Variants in CFAP20DC observed in about 807,000 individuals in gnomAD.
The protein encoded by CFAP20DC is CFAP20 domain containing.
In CFAP20DC, 84 loss-of-function variants were observed where a neutral mutation model predicts 101.7. The ratio of observed to expected loss-of-function variants is 0.83; its 90% CI spans 0.69 to 0.99. The LOEUF (loss-of-function observed/expected upper bound fraction) is 0.99. Among genes scored for constraint, CFAP20DC ranks in the 50% least tolerant of loss-of-function variants. The pLI is 0.00. For synonymous variants in CFAP20DC, 359 were observed against 351.2 expected (o/e 1.02, Z -0.25); for missense variants, 1,007 against 970.3 (o/e 1.04, Z -0.50).
chr3:58,756,806 A>G (rs893315492), intron 15 of CFAP20DC, among the ~76,000 whole-genome samples: 4 of 152,122 alleles, frequency 2.6e-5, no homozygotes, highest in African/African-American at 9.6e-5. Context: ...AGCAAAAGGT[A>G]GCATATTATA....
intron 16 of CFAP20DC, among the ~76,000 whole-genome samples, chr3:58,752,410 T>C (rs1465478827): frequency 1.3e-5 from 2 of 152,280 alleles, no homozygotes; most frequent in East Asian, 1.9e-4. Context: ...ACTTCTACAA[T>C]GGAAGTTCTG....
At chr3:58,831,938 C>G in intron 13 of CFAP20DC, 49 bp from the exon 14 acceptor site, 1 of 1,516,194 alleles carries the variant, frequency 6.6e-7, no homozygotes, top group Non-Finnish European at 9.1e-7. Context: ...CCTAATTCTA[C>G]GGCTACTAAC....
At chr3:58,779,554 T>C (rs1052544544) in intron 15 of CFAP20DC, among the ~76,000 whole-genome samples, 4 of 152,112 alleles carry the variant, frequency 2.6e-5, no homozygotes, top group Non-Finnish European at 5.9e-5. Flanking sequence ...AAAAATTCAT[T>C]GAATGAAATA....
intron 4 of CFAP20DC, chr3:59,017,354 A>C (rs931133665): frequency 1.3e-5 from 2 of 152,058 alleles, no homozygotes; most frequent in Non-Finnish European, 2.9e-5. Context: ...CATCCCAAAA[A>C]ACTTGCGATT....
intron 15 of CFAP20DC, among the ~76,000 whole-genome samples, chr3:58,787,503 T>G (rs2072462160): frequency 6.6e-6 from 1 of 151,832 alleles, no homozygotes; most frequent in Non-Finnish European, 1.5e-5. Flanking sequence ...AAAGAATAAA[T>G]TAAAAAACCA....
At chr3:58,758,031 C>A (rs1052008287) in intron 15 of CFAP20DC, among the ~76,000 whole-genome samples, 11 of 152,084 alleles carry the variant, frequency 7.2e-5, no homozygotes, top group African/African-American at 2.7e-4. Context: ...CTGGAGTATG[C>A]AGCATTGCCC....
chr3:59,026,200 G>C (rs6794757), intron 4 of CFAP20DC, among the ~76,000 whole-genome samples: 4 of 151,856 alleles, frequency 2.6e-5, no homozygotes, highest in African/African-American at 9.7e-5. Context: ...TTTTTAAAAA[G>C]AAAAAATAGA....
At chr3:58,866,412 C>T in intron 11 of CFAP20DC, 154 bp downstream of exon 11, 1 of 557,576 alleles carries the variant, frequency 1.8e-6, no homozygotes, top group South Asian at 3.1e-5. Flanking sequence ...TAAAGTTTGA[C>T]ATAAAATTGA....
At chr3:58,966,681 G>A (rs2091566189) in intron 4 of CFAP20DC, among the ~76,000 whole-genome samples, 1 of 151,516 alleles carries the variant, frequency 6.6e-6, no homozygotes, top group Non-Finnish European at 1.5e-5. Flanking sequence ...CCACCACCAT[G>A]CCTGGCTAAT....
intron 16 of CFAP20DC, among the ~76,000 whole-genome samples, chr3:58,744,718 G>T (rs2068077224): frequency 6.6e-6 from 1 of 152,116 alleles, no homozygotes; most frequent in Non-Finnish European, 1.5e-5. Flanking sequence ...TGGGGTTCCA[G>T]GAGGAAGCCA....
intron 6 of CFAP20DC, among the ~76,000 whole-genome samples, chr3:58,885,828 T>C (rs1161040107): frequency 1.3e-5 from 2 of 152,114 alleles, no homozygotes; most frequent in Non-Finnish European, 2.9e-5. Flanking sequence ...ATGGTGTTTG[T>C]ATACCACATT....
intron 4 of CFAP20DC, among the ~76,000 whole-genome samples, chr3:58,976,906 G>C (rs2092303857): frequency 6.6e-6 from 1 of 152,140 alleles, no homozygotes; most frequent in Non-Finnish European, 1.5e-5. Context: ...GATGGGACAA[G>C]CTCTGGCCAC....
Position 58,864,026 on chromosome 3 carries a change from C to G in CFAP20DC, c.1259-134G>C. ...AGGCTGCAGTGCAGTCACGCGATCTCGGCTCACTGCAACCTCCGCCTCCCA... is the reference window on the plus strand; with the variant it reads ...AGGCTGCAGTGCAGTCACGCGATCTGGGCTCACTGCAACCTCCGCCTCCCA... On this transcript the variant is annotated intron_variant, in intron 11 of 16. Transcript: ENST00000482387. This position sits in a 1 kb window ranked among gnomAD's most constrained non-coding sequence, Gnocchi z 4.7. 1 of 821,092 alleles carries G rather than the reference C, an allele frequency of 1.2e-6. No individual in the cohort carries two copies. Among genetic ancestry groups the G allele is most frequent in the Middle Eastern group, 3.8e-4 (1 of 2,658 alleles). 50.9% of individuals were successfully genotyped at this position (821,092 alleles called of 1,614,324 possible).
At chr3:58,878,826 G>A (rs560667624) in intron 7 of CFAP20DC, among the ~76,000 whole-genome samples, 1 of 152,164 alleles carries the variant, frequency 6.6e-6, no homozygotes, top group South Asian at 2.1e-4. Context: ...CCTGTGAATG[G>A]TGAAACTCCA....
intron 12 of CFAP20DC, among the ~76,000 whole-genome samples, chr3:58,853,111 A>G (rs2078411766): frequency 6.6e-6 from 1 of 152,210 alleles, no homozygotes; most frequent in African/African-American, 2.4e-5. Flanking sequence ...AAGAAAAGAG[A>G]GAAGAATCAA....
rs138277935 is a variant in CFAP20DC, at chr3:58,721,205, G to A, written c.198-3577C>T. 0.013 allele frequency among the ~76,000 whole-genome samples: 1,998 copies of A among 152,212 alleles called. 25 individuals are homozygous for A. The highest frequency in any genetic ancestry group is 0.02 in the Middle Eastern group (6 of 294). ...TATTCCCACATCTAACACAGCGTCC[G>A]GTGGATAGGAGGTACTCAATCACTA... On this transcript the variant is annotated intron_variant, in intron 3 of 3. Coordinates refer to the CFAP20DC transcript ENST00000486145. This position sits in a 1 kb window ranked among gnomAD's most constrained non-coding sequence, Gnocchi z 5.2.
intron 4 of CFAP20DC, among the ~76,000 whole-genome samples, chr3:59,037,080 G>A (rs746716134): frequency 1.3e-4 from 20 of 152,176 alleles, no homozygotes; most frequent in Non-Finnish European, 2.2e-4. Context: ...ATAGCCAAAT[G>A]CAGAATACTG....
intron 15 of CFAP20DC, among the ~76,000 whole-genome samples, chr3:58,783,150 A>G (rs1028926809): frequency 1.3e-5 from 2 of 152,024 alleles, no homozygotes; most frequent in African/African-American, 4.8e-5. Flanking sequence ...ACTGATTTCC[A>G]ACAAAGATGC....
intron 15 of CFAP20DC, among the ~76,000 whole-genome samples, chr3:58,759,410 G>A (rs1424558049): frequency 6.6e-6 from 1 of 152,160 alleles, no homozygotes; most frequent in Non-Finnish European, 1.5e-5. Flanking sequence ...ATTTGTTTGA[G>A]TTCATTGTAG....
Sources: gnomAD v4.1 joint callset for allele counts (sites outside exome capture counted in the v4.1 genomes callset) on GRCh38, gnomAD v4.1.1 for gene constraint, Gnocchi (gnomAD v3.1) non-coding constraint, MANE v1.5 for transcripts, NCBI Gene and HGNC (gene_info 2026-07-23, HGNC 2026-07-21) for gene names.